The following SYT11 variants were observed in gnomAD, a reference collection of about 807,000 sequenced individuals.
SYT11 encodes synaptotagmin 11, also known as synaptotagmin-11.
In SYT11, 12 loss-of-function variants were observed where a neutral mutation model predicts 30.4. The observed-to-expected ratio is 0.39, with a 90% CI of 0.25 to 0.64. The LOEUF (loss-of-function observed/expected upper bound fraction) is 0.64. Ranked by LOEUF, SYT11 falls within the 30% of genes least tolerant of loss-of-function variation. The pLI is 0.45. For synonymous variants in SYT11, 204 were observed against 216.0 expected (o/e 0.94, Z 0.49); for missense variants, 412 against 552.0 (o/e 0.75, Z 2.54).
chr1:155,868,576 C>A lies in SYT11; in HGVS notation c.646C>A (p.Arg216=). 8 of 1,614,158 alleles carry A rather than the reference C, an allele frequency of 5.0e-6. No homozygotes were observed. The highest frequency in any genetic ancestry group is 6.8e-6 in the Non-Finnish European group (8 of 1,180,038). ...GCATCGGGTGAAGACCAGAGTGCTG[C>A]GGAAGACCCTGGACCCTGTGTTTGA... is the stretch of plus-strand genomic sequence containing the variant. The part of the protein sequence containing the change: ...KRHRVKTRVL[R]KTLDPVFDET... The change falls in exon 2 of 4, where the codon CGG becomes AGG. Residue 216 remains arginine (R), a synonymous_variant. Transcript: ENST00000368324. The surrounding 1 kb of genome is among the most constrained non-coding windows in gnomAD (Gnocchi z 4.7).
chr1:155,872,569 A>AG (rs1672796122), intron 2 of SYT11, among the ~76,000 whole-genome samples: 1 of 152,182 alleles, frequency 6.6e-6, no homozygotes, highest in South Asian at 2.1e-4. Flanking sequence ...CAGCTCTGTC[A>AG]GGCATGAGAA....
At chr1:155,872,412 T>G (rs1282630269) in intron 2 of SYT11, among the ~76,000 whole-genome samples, 5 of 152,238 alleles carry the variant, frequency 3.3e-5, no homozygotes, top group Non-Finnish European at 7.3e-5. Context: ...AGAAAATCAC[T>G]CTGAAAGAGG....
chr1:155,867,435 G>T (rs1171245574), intron 1 of SYT11, among the ~76,000 whole-genome samples: 5 of 151,932 alleles, frequency 3.3e-5, no homozygotes, highest in African/African-American at 9.7e-5. Context: ...CTTCCTTTTG[G>T]CACCCATCCA....
intron 2 of SYT11, among the ~76,000 whole-genome samples, chr1:155,874,156 C>T (rs578197540): frequency 2.0e-5 from 3 of 152,262 alleles, no homozygotes; most frequent in South Asian, 2.1e-4. Context: ...CGCCGGTAAT[C>T]CCAGCTACTC....
At position 155,883,751 on chromosome 1, in the gene SYT11, C is replaced by T. The variant is rs748611955; in HGVS notation, c.*2243C>T. The T allele has an allele frequency of 5.9e-5, 9 of 151,846 alleles. No individual in the cohort carries two copies. The highest frequency in any genetic ancestry group is 2.1e-4 in the South Asian group (1 of 4,818). The allele number at this position is 151,846 out of a possible 1,614,324, so 9.4% of individuals were successfully genotyped here. A position where few individuals can be genotyped will look rare whatever the true frequency, so the allele number is the denominator to read the frequency against. On this transcript the variant is annotated 3_prime_UTR_variant, in exon 4 of 4. Transcript: ENST00000368324. ...AGTCGGAAAGCTGAGTCTCTATGGACGGGGGGGTGATCTTGCTTTCAGTGT... is the reference window on the plus strand; with the variant it reads ...AGTCGGAAAGCTGAGTCTCTATGGATGGGGGGGTGATCTTGCTTTCAGTGT...
At chr1:155,873,339 T>C (rs748986870) in intron 2 of SYT11, among the ~76,000 whole-genome samples, 33 of 152,058 alleles carry the variant, frequency 2.2e-4, no homozygotes, top group Non-Finnish European at 4.1e-4. Flanking sequence ...GGCAGGAGAA[T>C]TGCTTGAACC....
At chr1:155,870,807 C>T (rs1672769422) in intron 2 of SYT11, among the ~76,000 whole-genome samples, 1 of 152,182 alleles carries the variant, frequency 6.6e-6, no homozygotes, top group African/African-American at 2.4e-5. Flanking sequence ...TAGTAGGCAC[C>T]TGTCCCCCTG....
intron 1 of SYT11, among the ~76,000 whole-genome samples, chr1:155,866,116 CTTT>C (rs11419325): frequency 1.6e-5 from 2 of 123,278 alleles, no homozygotes; most frequent in Non-Finnish European, 1.6e-5. Flanking sequence ...TTTTTTTTTT[CTTT>C]TTTTTTTTTT....
At chr1:155,869,755 C>T (rs1049757147) in intron 2 of SYT11, among the ~76,000 whole-genome samples, 5 of 152,076 alleles carry the variant, frequency 3.3e-5, no homozygotes, top group African/African-American at 1.2e-4. Context: ...CCCACTGGAC[C>T]GACATTGGCT....
At chr1:155,859,832 A>G (rs763347480) in intron 1 of SYT11, 37 bp downstream of exon 1, 3 of 1,608,500 alleles carry the variant, frequency 1.9e-6, no homozygotes, top group African/African-American at 2.7e-5. Context: ...TGAGGTGGTC[A>G]GAATGGTTGC....
At chr1:155,862,061 C>G (rs1245079625) in intron 1 of SYT11, among the ~76,000 whole-genome samples, 1 of 152,244 alleles carries the variant, frequency 6.6e-6, no homozygotes, top group Non-Finnish European at 1.5e-5. Flanking sequence ...GCTGAAGGAG[C>G]TGGCCAATAG....
intron 2 of SYT11, among the ~76,000 whole-genome samples, chr1:155,869,552 A>G (rs1186318487): frequency 6.6e-6 from 1 of 152,130 alleles, no homozygotes; most frequent in Non-Finnish European, 1.5e-5. Context: ...GATTACAGGC[A>G]TGAGCCACTG....
At chr1:155,872,060 G>T (rs922972622) in intron 2 of SYT11, among the ~76,000 whole-genome samples, 1 of 151,914 alleles carries the variant, frequency 6.6e-6, no homozygotes, top group African/African-American at 2.4e-5. Flanking sequence ...GACAGAAGGA[G>T]ACCCTGTCTC....
chr1:155,881,494 C>G lies in SYT11; in HGVS notation c.1282C>G (p.Leu428Val). The G allele has an allele frequency of 6.2e-7, 1 of 1,607,634 alleles. No homozygotes were observed. Among genetic ancestry groups the G allele is most frequent in the South Asian group, 1.1e-5 (1 of 90,766 alleles). The change falls in exon 4 of 4, where the codon CTG (leucine) becomes GTG (valine). Residue 428 changes from leucine (L) to valine (V), a missense_variant. By Grantham distance (32) the Leu-to-Val change is conservative. Coordinates refer to ENST00000368324, the MANE Select transcript of SYT11 (RefSeq NM_152280.5). ...PRKPVAKWHSLSEY is the reference protein window; with the variant it reads ...PRKPVAKWHSVSEY ...CAAGCCTGTGGCCAAGTGGCACAGT[C>G]TGAGCGAGTACTAATCCTGTTCTTC...
At position 155,868,858 on chromosome 1, in the gene SYT11, G is replaced by A. The variant is rs1476429698; in HGVS notation, c.861+67G>A. ...GGAGAAAATATCTCAGGGGATAAAT[G>A]GAAGTGGGAGGGGAGTGGGTTGGGT... On this transcript the variant is annotated intron_variant, in intron 2 of 3. Transcript: ENST00000368324. This position sits in a 1 kb window ranked among gnomAD's most constrained non-coding sequence, Gnocchi z 4.7. The A allele has an allele frequency of 2.7e-6, 4 of 1,458,514 alleles. No homozygotes were observed. In the East Asian group the frequency reaches 7.0e-5, roughly 25 times the overall value. The allele number at this position is 1,458,514 out of a possible 1,614,324, so 90.3% of individuals were successfully genotyped here.
rs1672967189 is a variant in SYT11 at position 155,881,731 on chromosome 1, T to C, written c.*223T>C. On this transcript the variant is annotated 3_prime_UTR_variant, in exon 4 of 4. Transcript: ENST00000368324. Reference sequence around the variant, plus strand: ...TGCAAGGCGCTAGAATCTTTTATTTTACTTTATTTTTTTTGAGGTGGAGTT... The same window carrying C: ...TGCAAGGCGCTAGAATCTTTTATTTCACTTTATTTTTTTTGAGGTGGAGTT... 4.9e-6 allele frequency: 2 copies of C among 405,774 alleles called. No homozygotes were observed. Among genetic ancestry groups the C allele is most frequent in the East Asian group, 7.8e-5 (2 of 25,478 alleles). The allele number at this position is 405,774 out of a possible 1,614,324, so 25.1% of individuals were successfully genotyped here.
chr1:155,881,491 A>G lies in SYT11; in HGVS notation c.1279A>G (p.Ser427Gly). Residue 427 changes from serine to glycine, a missense_variant, in exon 4 of 4, where the codon AGT becomes GGT. Ser to Gly is a moderately conservative substitution (Grantham distance 56). Coordinates refer to ENST00000368324, the MANE Select transcript of SYT11 (RefSeq NM_152280.5). ...SPRKPVAKWH[S>G]LSEY ...CCGCAAGCCTGTGGCCAAGTGGCAC[A>G]GTCTGAGCGAGTACTAATCCTGTTC... 1 of 1,607,802 alleles carries G rather than the reference A, an allele frequency of 6.2e-7. No individual in the cohort carries two copies. Among genetic ancestry groups the G allele is most frequent in the South Asian group, 1.1e-5 (1 of 90,828 alleles).
intron 1 of SYT11, 124 bp from the exon 2 acceptor site, chr1:155,867,841 G>A: frequency 1.4e-6 from 1 of 740,126 alleles, no homozygotes. Flanking sequence ...GCCCAGATGA[G>A]CACATTTTGC....
rs1364868197 is a variant in SYT11, at chr1:155,868,485, A to C, written c.555A>C (p.Pro185=). 7 of 1,614,170 alleles carry C rather than the reference A, an allele frequency of 4.3e-6. No homozygotes were observed. In the African/African-American group the frequency reaches 5.3e-5, roughly 12 times the overall value. The change falls in exon 2 of 4, where the codon CCA becomes CCC. Residue 185 remains proline (P), a synonymous_variant. Coordinates refer to ENST00000368324, the MANE Select transcript of SYT11 (RefSeq NM_152280.5). The surrounding 1 kb of genome is among the most constrained non-coding windows in gnomAD (Gnocchi z 4.7). ...CAATCCAGGAGGCCCATGGGCTGCCAGTGATGGATGACCAGACCCAGGGAT... is the reference window on the plus strand; with the variant it reads ...CAATCCAGGAGGCCCATGGGCTGCCCGTGATGGATGACCAGACCCAGGGAT... ...VVTIQEAHGL[P]VMDDQTQGSD... is the part of the protein sequence containing the mutation.
Sources: gnomAD v4.1 joint callset for allele counts (sites outside exome capture counted in the v4.1 genomes callset) on GRCh38, gnomAD v4.1.1 for gene constraint, Gnocchi (gnomAD v3.1) non-coding constraint, MANE v1.5 for transcripts, NCBI Gene and HGNC (gene_info 2026-07-23, HGNC 2026-07-21) for gene names.